The following MUC12 variants were observed in gnomAD, a reference collection of about 807,000 sequenced individuals.
MUC12 encodes mucin 12, cell surface associated.
Under a neutral mutation model 230.8 loss-of-function variants are expected in MUC12, and 172 were observed. The observed-to-expected ratio is 0.75, with a 90% CI of 0.66 to 0.85. The LOEUF is 0.85. Among genes scored for constraint, MUC12 ranks in the 40% least tolerant of loss-of-function variants. MUC12 has a pLI of 0.00. For missense variants in MUC12, 3,506 were observed against 5,920.6 expected (o/e 0.59, Z 13.38); for synonymous variants, 1,259 against 2,401.9 (o/e 0.52, Z 13.91).
Position 100,990,915 on chromosome 7 carries a change from T to C in MUC12, c.352T>C (p.Ser118Pro). 6.5e-7 allele frequency: 1 copy of C among 1,537,808 alleles called. No homozygotes were observed. Among genetic ancestry groups the C allele is most frequent in the South Asian group, 1.2e-5 (1 of 84,054 alleles). Residue 118 changes from serine to proline, a missense_variant, in exon 2 of 12, where the codon TCA becomes CCA. Transcript: ENST00000536621. ...TAAAACCTCACCCATCACTTCAGCC[T>C]CAATGGAAACAACAGCGTTACCTGG... ...EPKTSPITSASMETTALPGST... is the reference protein window; with the variant it reads ...EPKTSPITSAPMETTALPGST...
Position 100,993,075 on chromosome 7 carries a change from T to G in MUC12, c.2512T>G (p.Ser838Ala). The part of the protein sequence containing the change: ...SSPRSPATTL[S>A]PASTTSSGVS... ...CCCCAGATCACCAGCCACAACACTC[T>G]CACCTGCCAGCACGACAAGCTCAGG... Residue 838 changes from serine (S) to alanine (A), a missense_variant, in exon 2 of 12, where the codon TCA (serine) becomes GCA (alanine). Physicochemically the swap from Ser to Ala is moderately conservative, Grantham distance 99. Coordinates refer to ENST00000536621, the MANE Select transcript of MUC12 (RefSeq NM_001164462.2). The G allele has an allele frequency of 6.5e-7, 1 of 1,533,994 alleles. No homozygotes were observed.
intron 11 of MUC12, 89 bp from the exon 12 acceptor site, chr7:101,018,506 T>C (rs1793993562): frequency 3.5e-6 from 3 of 866,782 alleles, no homozygotes; most frequent in Admixed American, 2.8e-5. Flanking sequence ...TGGGGTTCCC[T>C]CCTCCCCGCC....
intron 9 of MUC12, chr7:101,015,312 C>T: frequency 2.6e-6 from 1 of 380,226 alleles, no homozygotes; most frequent in Non-Finnish European, 4.8e-6. Flanking sequence ...GCTGGGAAAC[C>T]CTGGCACAGT....
chr7:100,984,001 T>C (rs962504723), intron 1 of MUC12, among the ~76,000 whole-genome samples: 1 of 152,158 alleles, frequency 6.6e-6, no homozygotes, highest in Non-Finnish European at 1.5e-5. Flanking sequence ...CCTGCCTTCA[T>C]GTGGGCCTCT....
Position 101,004,766 on chromosome 7 carries a change from A to G in MUC12, c.14203A>G (p.Ser4735Gly), listed in dbSNP as rs756478982. 6.5e-7 allele frequency: 1 copy of G among 1,537,344 alleles called. No individual in the cohort carries two copies. ...CAGCACTGCCACAACACCAGGCCTC[A>G]GTGCAAAATCTACCATCCTTTACAG... is the stretch of plus-strand genomic sequence containing the variant. ...LASTATTPGLSAKSTILYSSS... is the reference protein window; with the variant it reads ...LASTATTPGLGAKSTILYSSS... The change falls in exon 2 of 12, where the codon AGT becomes GGT. Residue 4735 changes from serine to glycine, a missense_variant. Physicochemically the swap from Ser to Gly is moderately conservative, Grantham distance 56. Coordinates refer to ENST00000536621, the MANE Select transcript of MUC12 (RefSeq NM_001164462.2).
intron 1 of MUC12, among the ~76,000 whole-genome samples, chr7:100,978,564 AC>A (rs1241098119): frequency 2.6e-5 from 4 of 151,670 alleles, no homozygotes; most frequent in Non-Finnish European, 5.9e-5. Flanking sequence ...CATAGCAAGG[AC>A]CCTCCCTCCA....
At position 101,005,397 on chromosome 7, in the gene MUC12, C is replaced by T. The variant is rs1190693721; in HGVS notation, c.14834C>T (p.Thr4945Ile). 1 of 1,537,888 alleles carries T rather than the reference C, an allele frequency of 6.5e-7. No individual in the cohort carries two copies. Residue 4945 changes from threonine to isoleucine, a missense_variant, in exon 2 of 12, where the codon ACA becomes ATA. Thr to Ile is a moderately conservative substitution (Grantham distance 89). Transcript: ENST00000536621. Reference sequence around the variant, plus strand: ...TACATCAGCCCATCCCCTACTTACACAACACTCTTTCCTGCGAGTTCCAGC... The same window carrying T: ...TACATCAGCCCATCCCCTACTTACATAACACTCTTTCCTGCGAGTTCCAGC... ...TFYISPSPTY[T>I]TLFPASSSTS...
Position 100,991,243 on chromosome 7 carries a change from G to C in MUC12, c.680G>C (p.Ser227Thr), listed in dbSNP as rs1358214664. ...LGPESTTFHS[S>T]PGYTKTTRLP... ...CCAGAATCTACTACCTTCCACAGCA[G>C]CCCAGGCTACACTAAAACAACACGC... Residue 227 changes from serine (S) to threonine (T), a missense_variant, in exon 2 of 12, where the codon AGC (serine) becomes ACC (threonine). Physicochemically the swap from Ser to Thr is moderately conservative, Grantham distance 58 (BLOSUM62 1). Transcript: ENST00000536621. The C allele has an allele frequency of 3.3e-6, 5 of 1,537,666 alleles. No individual in the cohort carries two copies. The highest frequency in any genetic ancestry group is 4.4e-6 in the Non-Finnish European group (5 of 1,147,020).
At chr7:100,986,241 T>G (rs1793187366) in intron 1 of MUC12, among the ~76,000 whole-genome samples, 1 of 152,026 alleles carries the variant, frequency 6.6e-6, no homozygotes. Context: ...GGCACACCCC[T>G]GTAGCCCCAA....
In MUC12 at chr7:101,012,960, T is replaced by C. The variant is rs192551499; in HGVS notation, c.15476-20T>C. 1 of 1,537,254 alleles carries C rather than the reference T, an allele frequency of 6.5e-7. No individual in the cohort carries two copies. Among genetic ancestry groups the C allele is most frequent in the Non-Finnish European group, 8.7e-7 (1 of 1,146,914 alleles). The stretch of plus-strand genomic sequence containing the variant: ...ATGCTTTGGCCAGGCTCATGCATGC[T>C]GCCCGCCCCTCTCCCTCAGAGCAAT... On this transcript the variant is annotated intron_variant, in intron 7 of 11. Transcript: ENST00000536621.
rs752645336 is a variant in MUC12 at position 101,004,661 on chromosome 7, G to C, written c.14098G>C (p.Ala4700Pro). 4.4e-5 allele frequency: 68 copies of C among 1,537,180 alleles called. No homozygotes were observed. The highest frequency in any genetic ancestry group is 5.6e-5 in the Non-Finnish European group (64 of 1,146,626). Reference sequence around the variant, plus strand: ...TACAAATGGAATCACACCCTTACCTGCCCATTTTACTACCTCAGGCCGCAT... The same window carrying C: ...TACAAATGGAATCACACCCTTACCTCCCCATTTTACTACCTCAGGCCGCAT... Reference protein sequence around the residue: ...PDTNGITPLPAHFTTSGRIAE... With the variant: ...PDTNGITPLPPHFTTSGRIAE... The change falls in exon 2 of 12, where the codon GCC (alanine) becomes CCC (proline). Residue 4700 changes from alanine to proline, a missense_variant. By Grantham distance (27) the Ala-to-Pro change is conservative. Coordinates refer to ENST00000536621, the MANE Select transcript of MUC12 (RefSeq NM_001164462.2).
In MUC12 at chr7:101,009,085, T is replaced by C; in HGVS notation, c.15187-10T>C. 6.5e-7 allele frequency: 1 copy of C among 1,537,766 alleles called. No individual in the cohort carries two copies. ...GCTTTGTGTGACCTTCGCTGCCTTGTTTCTTTCAGATGGATGTCGTTTTGA... is the reference window on the plus strand; with the variant it reads ...GCTTTGTGTGACCTTCGCTGCCTTGCTTCTTTCAGATGGATGTCGTTTTGA... On this transcript the variant is annotated splice_polypyrimidine_tract_variant and intron_variant, in intron 4 of 11. Transcript: ENST00000536621.
chr7:101,010,338 T>C lies in MUC12; in HGVS notation c.15251+1179T>C, dbSNP rs570492010. ...GCAGTGGAATGTGCCCTAAAGGGTC[T>C]TATTTTGGGGGGATCGGGGGCAGGG... On this transcript the variant is annotated intron_variant, in intron 5 of 11. Transcript: ENST00000536621. Among the ~76,000 whole-genome samples, 2 of 152,122 alleles carry C rather than the reference T, an allele frequency of 1.3e-5. 1 individual carries two copies. The highest frequency in any genetic ancestry group is 6.8e-3 in the Middle Eastern group (2 of 294).
rs1793954598 is a variant in MUC12 at position 101,017,680 on chromosome 7, C to A, written c.15966+17C>A. ...GGCACAGAGGTGACTCAGCTGCGAG[C>A]TGCCCCCACCCCCTGAGGCTGCTCC... On this transcript the variant is annotated intron_variant, in intron 11 of 11. Coordinates refer to ENST00000536621, the MANE Select transcript of MUC12 (RefSeq NM_001164462.2). 6.6e-7 allele frequency: 1 copy of A among 1,523,818 alleles called. No individual in the cohort carries two copies. Among genetic ancestry groups the A allele is most frequent in the South Asian group, 1.2e-5 (1 of 83,630 alleles). 94.4% of individuals were successfully genotyped at this position (1,523,818 alleles called of 1,614,324 possible).
Position 101,018,740 on chromosome 7 carries a change from G to A in MUC12, c.*104G>A. On this transcript the variant is annotated 3_prime_UTR_variant, in exon 12 of 12. Coordinates refer to ENST00000536621, the MANE Select transcript of MUC12 (RefSeq NM_001164462.2). ...CGGGTCAAGAGGAGACCGAAGTCAG[G>A]CCCTGAAGCCGGTCCTGCTCTGAGC... 1 of 1,204,480 alleles carries A rather than the reference G, an allele frequency of 8.3e-7. No individual in the cohort carries two copies. Among genetic ancestry groups the A allele is most frequent in the Admixed American group, 2.5e-5 (1 of 39,648 alleles). 74.6% of individuals were successfully genotyped at this position (1,204,480 alleles called of 1,614,324 possible).
chr7:101,004,679 G>A lies in MUC12; in HGVS notation c.14116G>A (p.Gly4706Ser), dbSNP rs1793702581. ...TPLPAHFTTSGRIAESTTFYI... is the reference protein window; with the variant it reads ...TPLPAHFTTSSRIAESTTFYI... ...CTTACCTGCCCATTTTACTACCTCA[G>A]GCCGCATTGCAGAATCTACCACCTT... The change falls in exon 2 of 12, where the codon GGC (glycine) becomes AGC (serine). Residue 4706 changes from glycine (G) to serine (S), a missense_variant. Physicochemically the swap from Gly to Ser is moderately conservative, Grantham distance 56. Coordinates refer to ENST00000536621, the MANE Select transcript of MUC12 (RefSeq NM_001164462.2). 2.0e-6 allele frequency: 3 copies of A among 1,537,698 alleles called. No individual in the cohort carries two copies. The African/African-American group carries it at 4.1e-5, about 21-fold the overall frequency.
intron 10 of MUC12, chr7:101,017,359 G>C (rs1232636000): frequency 1.7e-5 from 9 of 531,622 alleles, no homozygotes; most frequent in South Asian, 2.4e-5. Context: ...CTTCTGCTCC[G>C]CTCCCTCCTG....
Position 100,990,815 on chromosome 7 carries a change from C to T in MUC12, c.252C>T (p.Ser84=). ...NSGHSEESTV[S]HSGPGATGTT... ...GCCACAGTGAGGAATCAACAGTATC[C>T]CACAGCGGCCCAGGTGCAACTGGAA... Residue 84 remains serine (S), a synonymous_variant, in exon 2 of 12, where the codon TCC becomes TCT. Coordinates refer to ENST00000536621, the MANE Select transcript of MUC12 (RefSeq NM_001164462.2). 1 of 1,537,778 alleles carries T rather than the reference C, an allele frequency of 6.5e-7. No individual in the cohort carries two copies. Among genetic ancestry groups the T allele is most frequent in the Non-Finnish European group, 8.7e-7 (1 of 1,147,028 alleles).
At chr7:101,011,670 C>T (rs1793841271) in intron 5 of MUC12, among the ~76,000 whole-genome samples, 1 of 152,198 alleles carries the variant, frequency 6.6e-6, no homozygotes, top group South Asian at 2.1e-4. Context: ...AGTCCTCCCA[C>T]CTCGGCCTCC....
Sources: gnomAD v4.1 joint callset for allele counts (sites outside exome capture counted in the v4.1 genomes callset) on GRCh38, gnomAD v4.1.1 for gene constraint, MANE v1.5 for transcripts, NCBI Gene and HGNC (gene_info 2026-07-23, HGNC 2026-07-21) for gene names.